LRFN2: variants seen among roughly 807,000 people sequenced by gnomAD.
LRFN2 encodes the protein leucine rich repeat and fibronectin type III domain containing 2, also known as leucine-rich repeat and fibronectin type-III domain-containing protein 2.
In LRFN2, 18 loss-of-function variants were observed where a neutral mutation model predicts 37.3. The ratio of observed to expected loss-of-function variants is 0.48; its 90% CI spans 0.33 to 0.72. The LOEUF is 0.72. Ranked by LOEUF, LRFN2 falls within the 30% of genes least tolerant of loss-of-function variation. The pLI is 0.02. For synonymous variants in LRFN2, 556 were observed against 466.6 expected, an observed-to-expected ratio of 1.19 and a Z score of -2.47; for missense variants, 1,006 against 1,060.7, an observed-to-expected ratio of 0.95 and a Z score of 0.72.
rs1561913888 is a variant in LRFN2, at chr6:40,577,100, T to TGTC, written c.-19+9840_-19+9841insGAC. Among the ~76,000 whole-genome samples the TGTC allele has an allele frequency of 1.7e-5, 2 of 119,472 alleles. 1 individual carries two copies. Among genetic ancestry groups the TGTC allele is most frequent in the Non-Finnish European group, 3.5e-5 (2 of 56,518 alleles). The allele number at this position is 119,472 out of a possible 152,430, so 78.4% of individuals were successfully genotyped here. On this transcript the variant is annotated intron_variant, in intron 1 of 2. Transcript: ENST00000338305. ...CCCATTTTCTTTTCTTTTCTTTTCT[T>TGTC]TTCCTTTCTTTTCTTTTTAGATATG...
intron 1 of LRFN2, among the ~76,000 whole-genome samples, chr6:40,562,594 G>A (rs1272859963): frequency 6.6e-6 from 1 of 152,128 alleles, no homozygotes; most frequent in Non-Finnish European, 1.5e-5. Flanking sequence ...AGAGCTCATG[G>A]GAGTTTCCCT....
chr6:40,462,610 C>T (rs1319729866), intron 1 of LRFN2, among the ~76,000 whole-genome samples: 1 of 152,162 alleles, frequency 6.6e-6, no homozygotes, highest in African/African-American at 2.4e-5. Flanking sequence ...ATCAATGGGG[C>T]CACGATGAAT....
At chr6:40,473,233 A>T (rs1764641760) in intron 1 of LRFN2, among the ~76,000 whole-genome samples, 1 of 152,194 alleles carries the variant, frequency 6.6e-6, no homozygotes, top group South Asian at 2.1e-4. Context: ...CGCCTCAGCC[A>T]GACTGCTTGT....
Position 40,487,536 on chromosome 6 carries a change from G to A in LRFN2, c.-18-54405C>T, listed in dbSNP as rs150841847. ...CATCTCTGCAAAATGCACACATCCC[G>A]AAAAAGTCGGCAGATGGGAAAGGGA... On this transcript the variant is annotated intron_variant, in intron 1 of 2. Transcript: ENST00000338305. 1.8e-3 allele frequency among the ~76,000 whole-genome samples: 271 copies of A among 152,318 alleles called. 2 individuals carry two copies. The highest frequency in any genetic ancestry group is 5.8e-3 in the African/African-American group (243 of 41,560).
At chr6:40,437,272 C>A (rs1477278804) in intron 1 of LRFN2, among the ~76,000 whole-genome samples, 1 of 152,156 alleles carries the variant, frequency 6.6e-6, no homozygotes, top group Non-Finnish European at 1.5e-5. Context: ...GGAGGCTGAT[C>A]CATATGGACC....
chr6:40,403,602 C>A (rs1006928269), intron 2 of LRFN2, among the ~76,000 whole-genome samples: 1 of 152,142 alleles, frequency 6.6e-6, no homozygotes, highest in Non-Finnish European at 1.5e-5. Flanking sequence ...GACAAAGCAC[C>A]CCAATCATTG....
chr6:40,483,245 C>T (rs1379434982), intron 1 of LRFN2, among the ~76,000 whole-genome samples: 1 of 152,232 alleles, frequency 6.6e-6, no homozygotes, highest in Non-Finnish European at 1.5e-5. Context: ...ATGCCATTTC[C>T]CATCTCTCTG....
intron 1 of LRFN2, among the ~76,000 whole-genome samples, chr6:40,577,792 T>C (rs867258841): frequency 3.1e-5 from 3 of 96,040 alleles, no homozygotes; most frequent in Non-Finnish European, 6.6e-5. Flanking sequence ...AAGGAAAAAA[T>C]AAATAAATAA....
chr6:40,568,488 TG>T (rs1767130170), intron 1 of LRFN2, among the ~76,000 whole-genome samples: 1 of 152,186 alleles, frequency 6.6e-6, no homozygotes, highest in African/African-American at 2.4e-5. Context: ...GTTATGTATG[TG>T]GGTGGCTTAC....
At position 40,534,495 on chromosome 6, in the gene LRFN2, C is replaced by T. The variant is rs189852613; in HGVS notation, c.-19+52446G>A. Among the ~76,000 whole-genome samples, 1,451 of 151,764 alleles carry T rather than the reference C, an allele frequency of 9.6e-3. 19 individuals carry two copies. Among genetic ancestry groups the T allele is most frequent in the East Asian group, 0.046 (236 of 5,124 alleles). ...CAGTACCTGGCTCTGCAACGGCAGG[C>T]GGACAAGATCTGTGCAGGCTCTGAA... On this transcript the variant is annotated intron_variant, in intron 1 of 2. Coordinates refer to ENST00000338305, the MANE Select transcript of LRFN2 (RefSeq NM_020737.3).
intron 1 of LRFN2, among the ~76,000 whole-genome samples, chr6:40,498,082 G>A (rs1345097780): frequency 6.6e-6 from 1 of 152,142 alleles, no homozygotes; most frequent in African/African-American, 2.4e-5. Flanking sequence ...CAAGGTCTCG[G>A]CTGTCTGGAG....
intron 2 of LRFN2, among the ~76,000 whole-genome samples, chr6:40,406,988 C>A (rs1762861591): frequency 6.6e-6 from 1 of 152,216 alleles, no homozygotes; most frequent in South Asian, 2.1e-4. Flanking sequence ...ACACCACCCC[C>A]TCCCTGGAAG....
rs1243488098 is a variant in LRFN2 at position 40,428,175 on chromosome 6, A to G, written c.1400+3539T>C. On this transcript the variant is annotated intron_variant, in intron 2 of 2. Transcript: ENST00000338305. Reference sequence around the variant, plus strand: ...TAATCCATCAATGCAGGTGTGTACTATTATTGCTGCTGTTGCTGCTGCTGC... The same window carrying G: ...TAATCCATCAATGCAGGTGTGTACTGTTATTGCTGCTGTTGCTGCTGCTGC... Among the ~76,000 whole-genome samples the G allele has an allele frequency of 2.6e-5, 4 of 152,210 alleles. No homozygotes were observed. In the East Asian group the frequency reaches 7.7e-4, roughly 29 times the overall value.
chr6:40,438,849 A>G (rs1763757874), intron 1 of LRFN2, among the ~76,000 whole-genome samples: 1 of 152,190 alleles, frequency 6.6e-6, no homozygotes, highest in African/African-American at 2.4e-5. Context: ...GTTCAGAAAT[A>G]CATACTGGCA....
intron 1 of LRFN2, among the ~76,000 whole-genome samples, chr6:40,582,358 T>G (rs1324044947): frequency 6.6e-6 from 1 of 151,724 alleles, no homozygotes; most frequent in Admixed American, 6.6e-5. Context: ...CAACTTATTT[T>G]GCAATCTCGT....
chr6:40,392,122 C>T lies in LRFN2; in HGVS notation c.2191G>A (p.Ala731Thr). 1 of 1,612,838 alleles carries T rather than the reference C, an allele frequency of 6.2e-7. No homozygotes were observed. Among genetic ancestry groups the T allele is most frequent in the East Asian group, 2.2e-5 (1 of 44,868 alleles). Residue 731 changes from alanine (A) to threonine (T), a missense_variant, in exon 3 of 3, where the codon GCT becomes ACT. Ala to Thr is a moderately conservative substitution (Grantham distance 58). This residue lies in a region of LRFN2 where 398 missense variants were observed against 327.6 expected (regional missense o/e 1.21). Transcript: ENST00000338305. This position sits in a 1 kb window ranked among gnomAD's most constrained non-coding sequence, Gnocchi z 4.7. The part of the protein sequence containing the change: ...SHSFDMGDFA[A>T]AAAGGVVPGG... ...GGCACGACCCCTCCCGCCGCCGCAGCAGCAAAGTCCCCCATGTCGAAGGAG... is the reference window on the plus strand; with the variant it reads ...GGCACGACCCCTCCCGCCGCCGCAGTAGCAAAGTCCCCCATGTCGAAGGAG...
At chr6:40,493,818 T>C (rs1297224671) in intron 1 of LRFN2, among the ~76,000 whole-genome samples, 2 of 152,182 alleles carry the variant, frequency 1.3e-5, no homozygotes, top group Non-Finnish European at 2.9e-5. Flanking sequence ...CAAGCCAGGC[T>C]CTAGAACCCC....
intron 1 of LRFN2, among the ~76,000 whole-genome samples, chr6:40,451,645 G>A (rs917438146): frequency 3.3e-5 from 5 of 152,236 alleles, no homozygotes; most frequent in South Asian, 2.1e-4. Context: ...CGGTGGTGCC[G>A]TGTGGATCCT....
intron 1 of LRFN2, among the ~76,000 whole-genome samples, chr6:40,449,316 T>C (rs1458672749): frequency 6.6e-6 from 1 of 152,204 alleles, no homozygotes; most frequent in Non-Finnish European, 1.5e-5. Context: ...AATATACAAA[T>C]TTTAAAAAGA....
Sources: gnomAD v4.1 joint callset for allele counts (sites outside exome capture counted in the v4.1 genomes callset) on GRCh38, gnomAD v4.1.1 for gene constraint, gnomAD v4.1.1 regional missense constraint, Gnocchi (gnomAD v3.1) non-coding constraint, MANE v1.5 for transcripts, NCBI Gene and HGNC (gene_info 2026-07-23, HGNC 2026-07-21) for gene names.